MSRA: variants seen among roughly 807,000 people sequenced by gnomAD.
MSRA encodes mitochondrial peptide methionine sulfoxide reductase.
MSRA carries 54 observed loss-of-function variants against 31.3 expected under a neutral mutation model. The observed-to-expected ratio is 1.73, with a 90% CI of 1.39 to 2.17. The LOEUF (loss-of-function observed/expected upper bound fraction) is 2.17. MSRA is among the 30% of genes most tolerant of loss of function. The pLI is 0.00. For synonymous variants in MSRA, 169 were observed against 116.5 expected, an observed-to-expected ratio of 1.45 and a Z score of -2.90; for missense variants, 507 against 300.9, an observed-to-expected ratio of 1.69 and a Z score of -5.07.
intron 1 of MSRA, among the ~76,000 whole-genome samples, chr8:10,100,502 C>T (rs368990329): frequency 4.7e-4 from 72 of 152,112 alleles, no homozygotes; most frequent in African/African-American, 1.7e-3. Context: ...GGGCAGTGTT[C>T]CAGTATCTGA....
intron 3 of MSRA, among the ~76,000 whole-genome samples, chr8:10,291,686 T>A (rs767231336): frequency 1.3e-5 from 2 of 152,140 alleles, no homozygotes; most frequent in Non-Finnish European, 2.9e-5. Context: ...CCTTTCTCCC[T>A]TCAAACACCT....
At position 10,065,482 on chromosome 8, in the gene MSRA, C is replaced by T. The variant is rs1043722231; in HGVS notation, c.142+10824C>T. Reference sequence around the variant, plus strand: ...GAATTATTTTCTGGTGCAGTTTAGACCTTGGATGAGTAGGGTTATGCAGCT... The same window carrying T: ...GAATTATTTTCTGGTGCAGTTTAGATCTTGGATGAGTAGGGTTATGCAGCT... On this transcript the variant is annotated intron_variant, in intron 1 of 5. Transcript: ENST00000317173. Among the ~76,000 whole-genome samples, 3 of 152,164 alleles carry T rather than the reference C, an allele frequency of 2.0e-5. No individual in the cohort carries two copies. The East Asian group carries it at 5.8e-4, about 29-fold the overall frequency.
At chr8:10,155,286 A>C (rs979582786) in intron 1 of MSRA, among the ~76,000 whole-genome samples, 4 of 152,190 alleles carry the variant, frequency 2.6e-5, no homozygotes. Flanking sequence ...TGTGTTGGAC[A>C]CCAACATTTT....
At chr8:10,225,809 A>G (rs1026382618) in intron 2 of MSRA, among the ~76,000 whole-genome samples, 2 of 152,184 alleles carry the variant, frequency 1.3e-5, no homozygotes, top group African/African-American at 4.8e-5. Flanking sequence ...GGTGAAGGGA[A>G]CTAGTGTTTA....
chr8:10,243,227 T>G (rs139458414), intron 2 of MSRA, among the ~76,000 whole-genome samples: 1,697 of 152,162 alleles, frequency 0.011, 44 homozygotes, highest in Middle Eastern at 0.027. Flanking sequence ...CAGAAATATT[T>G]TATTCAACAA....
At chr8:10,090,266 A>G (rs1798789857) in intron 1 of MSRA, among the ~76,000 whole-genome samples, 1 of 152,212 alleles carries the variant, frequency 6.6e-6, no homozygotes, top group South Asian at 2.1e-4. Flanking sequence ...AGAAGCTCTC[A>G]GAGCCAGAAC....
At chr8:10,103,401 T>C (rs545149370) in intron 1 of MSRA, among the ~76,000 whole-genome samples, 41 of 152,334 alleles carry the variant, frequency 2.7e-4, no homozygotes, top group African/African-American at 9.6e-4. Flanking sequence ...ATCTGTGCTG[T>C]AGCATTGACA....
At chr8:10,327,011 A>G (rs1239483123) in intron 5 of MSRA, among the ~76,000 whole-genome samples, 2 of 152,216 alleles carry the variant, frequency 1.3e-5, no homozygotes, top group Non-Finnish European at 2.9e-5. Context: ...TCCTGGCCAT[A>G]TGACCTGGCT....
chr8:10,242,328 A>G (rs1797377091), intron 2 of MSRA, among the ~76,000 whole-genome samples: 1 of 152,126 alleles, frequency 6.6e-6, no homozygotes, highest in Non-Finnish European at 1.5e-5. Flanking sequence ...CAAGACTATA[A>G]TGTCAGGGGT....
intron 1 of MSRA, among the ~76,000 whole-genome samples, chr8:10,182,012 C>T (rs1806586408): frequency 6.6e-6 from 1 of 151,962 alleles, no homozygotes; most frequent in Non-Finnish European, 1.5e-5. Flanking sequence ...AAGGGTGGGG[C>T]AGGGAGAGGA....
At chr8:10,281,991 G>T (rs1280657491) in intron 3 of MSRA, among the ~76,000 whole-genome samples, 2 of 152,150 alleles carry the variant, frequency 1.3e-5, no homozygotes, top group East Asian at 1.9e-4. Flanking sequence ...AAGGTGGAGG[G>T]TTATAGTTTT....
chr8:10,194,268 A>T lies in MSRA; in HGVS notation c.143-13565A>T, dbSNP rs563594602. 3.9e-4 allele frequency among the ~76,000 whole-genome samples: 59 copies of T among 152,292 alleles called. No homozygotes were observed. In the East Asian group the frequency reaches 0.011, roughly 27 times the overall value. Reference sequence around the variant, plus strand: ...TCCTCTTAAAATCCTTCCCCCCCTTAAAAAGAAGATAATTAAGGCTAGCCT... The same window carrying T: ...TCCTCTTAAAATCCTTCCCCCCCTTTAAAAGAAGATAATTAAGGCTAGCCT... On this transcript the variant is annotated intron_variant, in intron 1 of 5. Transcript: ENST00000317173.
intron 2 of MSRA, among the ~76,000 whole-genome samples, chr8:10,212,122 G>A (rs756677107): frequency 1.3e-5 from 2 of 152,052 alleles, no homozygotes; most frequent in Admixed American, 6.5e-5. Context: ...AGGAGGCGGA[G>A]GTTGCAGTGA....
intron 1 of MSRA, among the ~76,000 whole-genome samples, chr8:10,196,891 C>A (rs928609833): frequency 2.6e-5 from 4 of 152,036 alleles, no homozygotes; most frequent in Non-Finnish European, 5.9e-5. Context: ...CCTTTATAAA[C>A]AAGAATAATA....
intron 1 of MSRA, among the ~76,000 whole-genome samples, chr8:10,108,156 G>T (rs11998467): frequency 6.6e-6 from 1 of 152,008 alleles, no homozygotes. Flanking sequence ...TTACACCCCC[G>T]TTCTCAGTGG....
chr8:10,087,247 G>A (rs915706346), intron 1 of MSRA, among the ~76,000 whole-genome samples: 1 of 152,146 alleles, frequency 6.6e-6, no homozygotes, highest in African/African-American at 2.4e-5. Context: ...GAGTATGTTG[G>A]TGGATGACTC....
At chr8:10,223,790 C>A (rs1810737022) in intron 2 of MSRA, among the ~76,000 whole-genome samples, 1 of 152,046 alleles carries the variant, frequency 6.6e-6, no homozygotes. Flanking sequence ...CAAATCAAGA[C>A]CATGGTACAA....
intron 1 of MSRA, among the ~76,000 whole-genome samples, chr8:10,055,334 C>T (rs879468426): frequency 1.2e-4 from 18 of 152,226 alleles, no homozygotes; most frequent in African/African-American, 4.3e-4. Flanking sequence ...GGGTGAAATA[C>T]TAGAAAAATG....
intron 1 of MSRA, among the ~76,000 whole-genome samples, chr8:10,100,601 A>G (rs576281934): frequency 1.3e-5 from 2 of 152,242 alleles, no homozygotes; most frequent in Admixed American, 6.5e-5. Context: ...AGAAATTTAG[A>G]TCAAGTGAAA....
Sources: gnomAD v4.1 joint callset for allele counts (sites outside exome capture counted in the v4.1 genomes callset) on GRCh38, gnomAD v4.1.1 for gene constraint, MANE v1.5 for transcripts, NCBI Gene and HGNC (gene_info 2026-07-23, HGNC 2026-07-21) for gene names.